Variants in STAU2 observed in about 807,000 individuals in gnomAD.
The protein encoded by STAU2 is double-stranded RNA-binding protein Staufen homolog 2.
A neutral mutation model predicts 65.9 loss-of-function variants in STAU2; 20 were observed. That is an observed-to-expected ratio of 0.30 (90% confidence interval 0.21 to 0.44). The LOEUF is 0.44. Among genes scored for constraint, STAU2 ranks in the 20% least tolerant of loss-of-function variants. The pLI is 1.00. For synonymous variants in STAU2, 232 were observed against 233.9 expected (o/e 0.99, Z 0.07); for missense variants, 558 against 683.9 (o/e 0.82, Z 2.05).
chr8:73,534,990 T>C (rs529750737), intron 13 of STAU2, among the ~76,000 whole-genome samples: 2 of 152,238 alleles, frequency 1.3e-5, no homozygotes, highest in Non-Finnish European at 2.9e-5. Flanking sequence ...GCTTTGAAAA[T>C]TACATGCTTA....
At chr8:73,709,607 A>C (rs905621766) in intron 3 of STAU2, among the ~76,000 whole-genome samples, 10 of 152,058 alleles carry the variant, frequency 6.6e-5, no homozygotes, top group African/African-American at 2.2e-4. Flanking sequence ...TAGTCTTGGG[A>C]ATCAGGTCCT....
chr8:73,648,225 T>C (rs936335457), intron 6 of STAU2, among the ~76,000 whole-genome samples: 1 of 152,240 alleles, frequency 6.6e-6, no homozygotes, highest in African/African-American at 2.4e-5. Flanking sequence ...ATTCCTAGTA[T>C]TTTCTTGAAT....
chr8:73,603,951 C>T, intron 9 of STAU2, 88 bp from the exon 10 acceptor site: 1 of 1,349,440 alleles, frequency 7.4e-7, no homozygotes, highest in Non-Finnish European at 9.9e-7. Context: ...TTCCCTCCAC[C>T]CCCACACCCC....
intron 13 of STAU2, among the ~76,000 whole-genome samples, chr8:73,448,391 A>C (rs1818595183): frequency 6.6e-6 from 1 of 152,066 alleles, no homozygotes; most frequent in Non-Finnish European, 1.5e-5. Context: ...GCAAGCAATT[A>C]TCTGCCTCAG....
At chr8:73,651,230 C>T (rs1815849069) in intron 6 of STAU2, 6 of 754,882 alleles carry the variant, frequency 7.9e-6, no homozygotes, top group Admixed American at 2.2e-5. Flanking sequence ...AATCTGCCTC[C>T]GCCAGAGAGG....
rs533468665 is a variant in STAU2, at chr8:73,585,601, G to A, written c.1162-2771C>T. Among the ~76,000 whole-genome samples, 6 of 152,298 alleles carry A rather than the reference G, an allele frequency of 3.9e-5. No individual in the cohort carries two copies. In the South Asian group the frequency reaches 1.2e-3, roughly 32 times the overall value. On this transcript the variant is annotated intron_variant, in intron 11 of 14. Coordinates refer to ENST00000524300, the MANE Select transcript of STAU2 (RefSeq NM_001164380.2). Reference sequence around the variant, plus strand: ...CATTGTTTGAAGAGTAAGGGGAAGAGGTCAGGAGAGATGAGGTCAAAGTAA... The same window carrying A: ...CATTGTTTGAAGAGTAAGGGGAAGAAGTCAGGAGAGATGAGGTCAAAGTAA...
chr8:73,598,226 CT>C (rs138249622), intron 10 of STAU2, among the ~76,000 whole-genome samples: 12,089 of 129,268 alleles, frequency 0.094, 425 homozygotes, highest in African/African-American at 0.15. Flanking sequence ...AAGAAGAAAA[CT>C]TTTTTTTTTT....
intron 13 of STAU2, chr8:73,458,584 C>T (rs1271375964): frequency 6.8e-6 from 1 of 146,376 alleles, no homozygotes; most frequent in East Asian, 2.6e-4. Context: ...GTAGAAGCTT[C>T]TTTTAAAAAA....
At chr8:73,673,007 T>C in intron 6 of STAU2, 100 bp downstream of exon 6, 1 of 1,142,886 alleles carries the variant, frequency 8.7e-7, no homozygotes, top group Admixed American at 2.9e-5. Flanking sequence ...ATGCCCAAGG[T>C]CAATTAGATT....
intron 13 of STAU2, among the ~76,000 whole-genome samples, chr8:73,483,966 A>G (rs1026866954): frequency 6.6e-6 from 1 of 152,180 alleles, no homozygotes; most frequent in Non-Finnish European, 1.5e-5. Context: ...TGTTTCAGCC[A>G]CAGCGTCAGG....
At chr8:73,681,387 GATA>G (rs1358479024) in intron 5 of STAU2, among the ~76,000 whole-genome samples, 1 of 152,128 alleles carries the variant, frequency 6.6e-6, no homozygotes, top group Non-Finnish European at 1.5e-5. Flanking sequence ...ATGACGGAAA[GATA>G]AAAGTCTTTT....
intron 6 of STAU2, among the ~76,000 whole-genome samples, chr8:73,654,656 A>AAAAAAAAAAAAAAAAC (rs1563484753): frequency 2.1e-5 from 3 of 141,550 alleles, no homozygotes; most frequent in Non-Finnish European, 4.6e-5. Context: ...AAAAAAAAAA[A>AAAAAAAAAAAAAAAAC]AAAAAGAACT....
chr8:73,685,497 C>T (rs1225266914), intron 5 of STAU2, among the ~76,000 whole-genome samples: 2 of 151,802 alleles, frequency 1.3e-5, no homozygotes. Flanking sequence ...CTGCCTCAGC[C>T]TCCCAAGTAG....
intron 5 of STAU2, among the ~76,000 whole-genome samples, chr8:73,687,350 TTTATATA>T (rs1818968888): frequency 2.4e-5 from 1 of 41,694 alleles, no homozygotes; most frequent in African/African-American, 9.9e-5. Flanking sequence ...ATATTTATAA[TTTATATA>T]ATATAAATAT....
At chr8:73,429,859 A>G (rs555325908) in intron 13 of STAU2, among the ~76,000 whole-genome samples, 2 of 152,332 alleles carry the variant, frequency 1.3e-5, no homozygotes, top group African/African-American at 4.8e-5. Context: ...CTCACAAATA[A>G]TTACTTGAGG....
At chr8:73,424,705 CT>C (rs1816665940) in intron 13 of STAU2, among the ~76,000 whole-genome samples, 1 of 151,822 alleles carries the variant, frequency 6.6e-6, no homozygotes, top group Non-Finnish European at 1.5e-5. Flanking sequence ...ATTCATAATA[CT>C]TTTTTCTTTC....
chr8:73,708,794 T>C (rs1462301725), intron 4 of STAU2, among the ~76,000 whole-genome samples: 1 of 152,186 alleles, frequency 6.6e-6, no homozygotes, highest in East Asian at 1.9e-4. Flanking sequence ...CAAAAATCCA[T>C]ATATCATGTG....
intron 9 of STAU2, 91 bp from the exon 10 acceptor site, chr8:73,603,954 C>T: frequency 7.4e-7 from 1 of 1,350,620 alleles, no homozygotes; most frequent in South Asian, 1.6e-5. Context: ...CCTCCACCCC[C>T]ACACCCCAAA....
chr8:73,673,765 CTAAAA>C (rs1817849234), intron 5 of STAU2, among the ~76,000 whole-genome samples: 1 of 151,918 alleles, frequency 6.6e-6, no homozygotes, highest in African/African-American at 2.4e-5. Flanking sequence ...TTTCCTGAAA[CTAAAA>C]TGTCATCGAA....
Sources: gnomAD v4.1 joint callset for allele counts (sites outside exome capture counted in the v4.1 genomes callset) on GRCh38, gnomAD v4.1.1 for gene constraint, MANE v1.5 for transcripts, NCBI Gene and HGNC (gene_info 2026-07-23, HGNC 2026-07-21) for gene names.